Variants in ZNF804B observed in about 807,000 individuals in gnomAD.
The protein encoded by ZNF804B is zinc finger protein 804B, also known as zinc finger 804B.
A neutral mutation model predicts 101.4 loss-of-function variants in ZNF804B; 80 were observed. The observed-to-expected ratio is 0.79, with a 90% CI of 0.66 to 0.95. The LOEUF (loss-of-function observed/expected upper bound fraction) is 0.95. Ranked by LOEUF, ZNF804B falls within the 40% of genes least tolerant of loss-of-function variation. The probability of loss-of-function intolerance (pLI) is 0.00; values close to 1 mark genes in which losing one functional copy is unlikely to be tolerated. For synonymous variants in ZNF804B, 622 were observed against 558.8 expected (o/e 1.11, Z -1.59); for missense variants, 1,673 against 1,561.9 (o/e 1.07, Z -1.20).
chr7:89,232,725 T>G (rs1474793568), intron 2 of ZNF804B, among the ~76,000 whole-genome samples: 1 of 152,118 alleles, frequency 6.6e-6, no homozygotes, highest in African/African-American at 2.4e-5. Context: ...ATCCCCTACA[T>G]TATTTGCTTT....
chr7:89,027,329 G>A (rs1482372419), intron 1 of ZNF804B, among the ~76,000 whole-genome samples: 3 of 152,138 alleles, frequency 2.0e-5, no homozygotes, highest in African/African-American at 7.2e-5. Flanking sequence ...CTCTGAGGAT[G>A]TTCGATAGGA....
intron 2 of ZNF804B, among the ~76,000 whole-genome samples, chr7:89,278,554 C>T (rs1349994249): frequency 1.3e-5 from 2 of 152,034 alleles, no homozygotes; most frequent in East Asian, 1.9e-4. Flanking sequence ...GATCCAGTTT[C>T]AGCTTTCTAC....
intron 1 of ZNF804B, among the ~76,000 whole-genome samples, chr7:89,211,761 T>C (rs2115679745): frequency 6.6e-6 from 1 of 152,320 alleles, no homozygotes; most frequent in African/African-American, 2.4e-5. Context: ...GTAGTATACT[T>C]TGAAGTCCAG....
At chr7:89,237,674 A>G (rs1172267751) in intron 2 of ZNF804B, among the ~76,000 whole-genome samples, 2 of 152,186 alleles carry the variant, frequency 1.3e-5, no homozygotes, top group African/African-American at 4.8e-5. Context: ...TGTCAATCTT[A>G]GGTTCACAGC....
chr7:88,959,436 C>T (rs1260524924), intron 1 of ZNF804B, among the ~76,000 whole-genome samples: 1 of 151,360 alleles, frequency 6.6e-6, no homozygotes, highest in Non-Finnish European at 1.5e-5. Context: ...GTTTTTAATA[C>T]ACATAACTGC....
chr7:89,100,902 A>C (rs533357618), intron 1 of ZNF804B, among the ~76,000 whole-genome samples: 3 of 152,050 alleles, frequency 2.0e-5, no homozygotes, highest in Non-Finnish European at 4.4e-5. Context: ...CATAATATAA[A>C]AATGAAGTTT....
At chr7:89,252,595 C>G (rs1398911363) in intron 2 of ZNF804B, among the ~76,000 whole-genome samples, 1 of 152,138 alleles carries the variant, frequency 6.6e-6, no homozygotes, top group Admixed American at 6.6e-5. Flanking sequence ...TTGTTCATCA[C>G]AGCACTATTC....
At chr7:89,324,562 T>C (rs1240963107) in intron 2 of ZNF804B, among the ~76,000 whole-genome samples, 1 of 150,458 alleles carries the variant, frequency 6.6e-6, no homozygotes, top group East Asian at 1.9e-4. Flanking sequence ...TTATTTATTA[T>C]CTTGTTATTT....
intron 2 of ZNF804B, among the ~76,000 whole-genome samples, chr7:89,292,410 T>G (rs1299443609): frequency 6.6e-6 from 1 of 152,232 alleles, no homozygotes; most frequent in African/African-American, 2.4e-5. Flanking sequence ...GGAGACAAAG[T>G]TAAGGTGTAG....
chr7:89,081,752 T>C (rs189077481), intron 1 of ZNF804B, among the ~76,000 whole-genome samples: 15 of 151,932 alleles, frequency 9.9e-5, no homozygotes, highest in Admixed American at 3.3e-4. Context: ...CCCATGTCTA[T>C]TGACCAAATT....
chr7:88,818,396 A>T (rs530172255), intron 1 of ZNF804B, among the ~76,000 whole-genome samples: 61 of 152,280 alleles, frequency 4.0e-4, no homozygotes, highest in Non-Finnish European at 7.5e-4. Flanking sequence ...GATAATAATT[A>T]TGTCCATTTT....
chr7:89,207,934 A>C (rs117387271), intron 1 of ZNF804B, among the ~76,000 whole-genome samples: 1,998 of 151,774 alleles, frequency 0.013, 47 homozygotes, highest in East Asian at 0.096. Context: ...TTCCTTCCTC[A>C]CTCAAGGATA....
chr7:88,913,714 A>T (rs997338059), intron 1 of ZNF804B, among the ~76,000 whole-genome samples: 1 of 152,146 alleles, frequency 6.6e-6, no homozygotes, highest in East Asian at 1.9e-4. Context: ...GTGTATTTTT[A>T]AGCATCATAT....
intron 1 of ZNF804B, chr7:88,794,288 T>C: frequency 6.2e-7 from 1 of 1,613,854 alleles, no homozygotes; most frequent in Non-Finnish European, 8.5e-7. Context: ...TCTTCGGATT[T>C]GCACAAGTAC....
chr7:89,249,691 A>G (rs899111898), intron 2 of ZNF804B, among the ~76,000 whole-genome samples: 2 of 152,176 alleles, frequency 1.3e-5, no homozygotes, highest in African/African-American at 4.8e-5. Context: ...AGTTAGAAAT[A>G]CCTCAAATTA....
chr7:88,979,256 A>G (rs188124834), intron 1 of ZNF804B, among the ~76,000 whole-genome samples: 21 of 152,092 alleles, frequency 1.4e-4, no homozygotes, highest in African/African-American at 4.3e-4. Context: ...TTTTCTTTGT[A>G]TTTAATATCA....
chr7:88,961,722 T>C (rs958861194), intron 1 of ZNF804B, among the ~76,000 whole-genome samples: 7 of 151,258 alleles, frequency 4.6e-5, no homozygotes, highest in African/African-American at 1.5e-4. Context: ...GAAACTATGA[T>C]CCTGGCATGA....
intron 1 of ZNF804B, among the ~76,000 whole-genome samples, chr7:88,869,271 T>C (rs1291066491): frequency 6.6e-6 from 1 of 152,218 alleles, no homozygotes; most frequent in Non-Finnish European, 1.5e-5. Flanking sequence ...TTATTTTTGG[T>C]TCCCTGTCAT....
chr7:89,322,059 G>A (rs1385758653), intron 2 of ZNF804B, among the ~76,000 whole-genome samples: 7 of 152,106 alleles, frequency 4.6e-5, no homozygotes, highest in Admixed American at 6.5e-5. Context: ...TCAAAAACAC[G>A]TAGTAAAGAT....
Sources: gnomAD v4.1 joint callset for allele counts (sites outside exome capture counted in the v4.1 genomes callset) on GRCh38, gnomAD v4.1.1 for gene constraint, MANE v1.5 for transcripts, NCBI Gene and HGNC (gene_info 2026-07-23, HGNC 2026-07-21) for gene names.